Variants in NTN4 observed in about 807,000 individuals in gnomAD.
NTN4 encodes netrin-4.
In NTN4, 32 loss-of-function variants were observed where a neutral mutation model predicts 73.6. The observed-to-expected ratio is 0.44, with a 90% CI of 0.33 to 0.58. The LOEUF is 0.58. Ranked by LOEUF, NTN4 falls within the 20% of genes least tolerant of loss-of-function variation. NTN4 has a pLI of 0.04. For missense variants in NTN4, 654 were observed against 798.3 expected (o/e 0.82, Z 2.18); for synonymous variants, 258 against 287.5 (o/e 0.90, Z 1.04).
At chr12:95,741,889 T>C (rs2078829688) in intron 2 of NTN4, among the ~76,000 whole-genome samples, 3 of 152,102 alleles carry the variant, frequency 2.0e-5, no homozygotes, top group South Asian at 4.1e-4. Flanking sequence ...AATAATTTCC[T>C]GAAGATACAT....
intron 7 of NTN4, among the ~76,000 whole-genome samples, chr12:95,681,089 T>C (rs1381273082): frequency 6.7e-6 from 1 of 149,198 alleles, no homozygotes; most frequent in African/African-American, 2.5e-5. Context: ...TTTGGGAGGC[T>C]GAGGCAGGAG....
At chr12:95,702,877 CAT>C (rs202240113) in intron 5 of NTN4, among the ~76,000 whole-genome samples, 2,999 of 113,592 alleles carry the variant, frequency 0.026, 47 homozygotes, top group Middle Eastern at 0.075. Flanking sequence ...TTTTTTGAGA[CAT>C]AGTCTTGCTC....
intron 4 of NTN4, among the ~76,000 whole-genome samples, chr12:95,712,985 A>C (rs2078576302): frequency 6.6e-6 from 1 of 151,836 alleles, no homozygotes; most frequent in African/African-American, 2.4e-5. Flanking sequence ...AAAGTATCCA[A>C]GCAAATAGGC....
intron 7 of NTN4, chr12:95,673,214 C>A: frequency 4.5e-6 from 2 of 440,362 alleles, no homozygotes; most frequent in Middle Eastern, 7.4e-4. Flanking sequence ...CTCCCATTTT[C>A]GTTTTAGCCA....
intron 2 of NTN4, among the ~76,000 whole-genome samples, chr12:95,762,499 G>A (rs987772514): frequency 6.6e-6 from 1 of 152,186 alleles, no homozygotes; most frequent in African/African-American, 2.4e-5. Flanking sequence ...AGGATTAGTT[G>A]CAAGAGTTGA....
intron 7 of NTN4, chr12:95,673,628 T>A (rs74400769): frequency 6.6e-6 from 1 of 151,476 alleles, no homozygotes; most frequent in Non-Finnish European, 1.5e-5. Context: ...TTTACTTTTA[T>A]AAAAAAAAAA....
Position 95,659,232 on chromosome 12 carries a change from A to G in NTN4, c.1751-10T>C. The G allele has an allele frequency of 1.2e-6, 2 of 1,605,872 alleles. No individual in the cohort carries two copies. The highest frequency in any genetic ancestry group is 1.3e-5 in the African/African-American group (1 of 74,494). ...ACAAGGTATTCCAAACCTAAAAAAG[A>G]ACAAAATTAGGGGCTATACAGTATC... is the stretch of plus-strand genomic sequence containing the variant. On this transcript the variant is annotated splice_polypyrimidine_tract_variant and intron_variant, in intron 9 of 9. Transcript: ENST00000343702.
chr12:95,772,820 CCAT>C (rs1452198696), intron 2 of NTN4, among the ~76,000 whole-genome samples: 14 of 152,144 alleles, frequency 9.2e-5, no homozygotes, highest in African/African-American at 3.4e-4. Context: ...GTCCCATGCA[CCAT>C]CAAGTCTAGT....
At position 95,790,278 on chromosome 12, in the gene NTN4, C is replaced by G. The variant is rs1376808122; in HGVS notation, c.32G>C (p.Trp11Ser). The G allele has an allele frequency of 6.5e-7, 1 of 1,535,418 alleles. No individual in the cohort carries two copies. The highest frequency in any genetic ancestry group is 2.0e-5 in the Admixed American group (1 of 50,000). Residue 11 changes from tryptophan (W) to serine (S), a missense_variant, in exon 1 of 10, where the codon TGG becomes TCG. Transcript: ENST00000343702. The surrounding 1 kb of genome is among the most constrained non-coding windows in gnomAD (Gnocchi z 6.5). Reference sequence around the variant, plus strand: ...ACCTGCGGCCACCACCGTGCAGCCCCAGAGCAGCAGCAGCCGCGCGCAGCT... The same window carrying G: ...ACCTGCGGCCACCACCGTGCAGCCCGAGAGCAGCAGCAGCCGCGCGCAGCT... MGSCARLLLL[W>S]GCTVVAAGLS...
At chr12:95,762,372 C>A (rs2078994772) in intron 2 of NTN4, among the ~76,000 whole-genome samples, 1 of 152,192 alleles carries the variant, frequency 6.6e-6, no homozygotes, top group Non-Finnish European at 1.5e-5. Context: ...CATAGGGCCA[C>A]TTTGTCCTTC....
chr12:95,757,073 T>C (rs532132289), intron 2 of NTN4, among the ~76,000 whole-genome samples: 117 of 152,204 alleles, frequency 7.7e-4, no homozygotes, highest in Non-Finnish European at 1.5e-3. Flanking sequence ...ATTGCTTGTA[T>C]TTCTCTCTAG....
intron 2 of NTN4, among the ~76,000 whole-genome samples, chr12:95,784,698 C>T (rs1364545420): frequency 6.6e-6 from 1 of 151,778 alleles, no homozygotes; most frequent in Non-Finnish European, 1.5e-5. Flanking sequence ...ATCTAGGAAG[C>T]GGAGGCTTCA....
chr12:95,683,887 G>A (rs552757796), intron 5 of NTN4, among the ~76,000 whole-genome samples, 176 bp from the exon 6 acceptor site: 27 of 152,268 alleles, frequency 1.8e-4, no homozygotes, highest in African/African-American at 5.3e-4. Context: ...ACAGATAAGC[G>A]AGATATAATC....
At chr12:95,731,471 C>T (rs2078736594) in intron 3 of NTN4, among the ~76,000 whole-genome samples, 1 of 152,108 alleles carries the variant, frequency 6.6e-6, no homozygotes, top group South Asian at 2.1e-4. Context: ...GAGGCTGAGG[C>T]AGGAAAATCG....
intron 5 of NTN4, among the ~76,000 whole-genome samples, chr12:95,687,925 G>C (rs186047062): frequency 4.7e-4 from 71 of 152,264 alleles, no homozygotes; most frequent in African/African-American, 1.7e-3. Flanking sequence ...TGGGGAATGT[G>C]AGAAGTTTAG....
At chr12:95,755,326 T>C (rs1409248991) in intron 2 of NTN4, among the ~76,000 whole-genome samples, 2 of 152,138 alleles carry the variant, frequency 1.3e-5, no homozygotes, top group Non-Finnish European at 2.9e-5. Context: ...CTTCCATGGA[T>C]AGGTGGCCAC....
intron 2 of NTN4, among the ~76,000 whole-genome samples, chr12:95,741,436 T>A (rs1342940314): frequency 0.2 from 15,853 of 78,876 alleles, 2,306 homozygotes; most frequent in African/African-American, 0.29. Context: ...ATTATATATA[T>A]ATATATATAT....
At chr12:95,664,401 T>C (rs566685110) in intron 9 of NTN4, among the ~76,000 whole-genome samples, 7 of 152,082 alleles carry the variant, frequency 4.6e-5, no homozygotes, top group Non-Finnish European at 1.0e-4. Flanking sequence ...TTTCACAGTT[T>C]CCTTATTAAA....
At chr12:95,787,678 G>A (rs934627282) in intron 1 of NTN4, among the ~76,000 whole-genome samples, 15 of 152,122 alleles carry the variant, frequency 9.9e-5, no homozygotes, top group African/African-American at 2.2e-4. Flanking sequence ...GTGTGTGTGC[G>A]TGTGTGTGTG....
Sources: gnomAD v4.1 joint callset for allele counts (sites outside exome capture counted in the v4.1 genomes callset) on GRCh38, gnomAD v4.1.1 for gene constraint, Gnocchi (gnomAD v3.1) non-coding constraint, MANE v1.5 for transcripts, NCBI Gene and HGNC (gene_info 2026-07-23, HGNC 2026-07-21) for gene names.